FREM3: variants seen among roughly 807,000 people sequenced by gnomAD.
FREM3 encodes the protein FRAS1 related extracellular matrix 3.
FREM3 carries 105 observed loss-of-function variants against 129.1 expected under a neutral mutation model. The observed-to-expected ratio is 0.81, with a 90% CI of 0.69 to 0.96. The LOEUF (loss-of-function observed/expected upper bound fraction) is 0.96. FREM3 is among the 40% of genes least tolerant of loss of function. The probability of loss-of-function intolerance (pLI) is 0.00; values close to 1 mark genes in which losing one functional copy is unlikely to be tolerated. For synonymous variants in FREM3, 1,014 were observed against 1,044.9 expected (o/e 0.97, Z 0.57); for missense variants, 2,593 against 2,666.3 (o/e 0.97, Z 0.61).
intron 2 of FREM3, chr4:143,645,145 C>T (rs1739393130): frequency 6.6e-6 from 1 of 152,128 alleles, no homozygotes; most frequent in Non-Finnish European, 1.5e-5. Flanking sequence ...ACTGTGTGCT[C>T]CGTGAGGATG....
rs1740667118 is a variant in FREM3, at chr4:143,700,091, G to T, written c.585C>A (p.Phe195Leu). Residue 195 changes from phenylalanine to leucine, a missense_variant, in exon 1 of 8, where the codon TTC becomes TTA. Coordinates refer to ENST00000329798, the MANE Select transcript of FREM3 (RefSeq NM_001168235.2). ...CCGTGGCTCCAGACTTCAGGGAGGC[G>T]AAGTCCAGCACTCTCCTGTCTATGG... Reference protein sequence around the residue: ...SRAIDRRVLDFASLKSGATAT... With the variant: ...SRAIDRRVLDLASLKSGATAT... 5 of 1,533,602 alleles carry T rather than the reference G, an allele frequency of 3.3e-6. No individual in the cohort carries two copies. Among genetic ancestry groups the T allele is most frequent in the Non-Finnish European group, 4.4e-6 (5 of 1,144,232 alleles). 95.0% of individuals were successfully genotyped at this position (1,533,602 alleles called of 1,614,324 possible). A position where few individuals can be genotyped will look rare whatever the true frequency, so the allele number is the denominator to read the frequency against.
intron 6 of FREM3, among the ~76,000 whole-genome samples, chr4:143,590,706 T>A (rs1314626600): frequency 6.6e-6 from 1 of 152,172 alleles, no homozygotes; most frequent in Admixed American, 6.5e-5. Context: ...TCTCTTTTTT[T>A]GCTGTGTCTC....
intron 6 of FREM3, among the ~76,000 whole-genome samples, chr4:143,603,748 TA>T (rs1449889146): frequency 6.6e-6 from 1 of 152,182 alleles, no homozygotes; most frequent in Non-Finnish European, 1.5e-5. Flanking sequence ...CCTCTTGACC[TA>T]AATAATATAC....
chr4:143,649,676 A>T (rs1376711479), intron 2 of FREM3, among the ~76,000 whole-genome samples: 1 of 151,970 alleles, frequency 6.6e-6, no homozygotes, highest in African/African-American at 2.4e-5. Flanking sequence ...CTGTATATAA[A>T]TTTTTTTCTC....
intron 2 of FREM3, among the ~76,000 whole-genome samples, chr4:143,681,199 T>C (rs575481743): frequency 1.3e-5 from 2 of 152,146 alleles, no homozygotes; most frequent in Admixed American, 1.3e-4. Context: ...AATTGTTCTT[T>C]GTATAGATGA....
At chr4:143,612,260 G>T (rs956629754) in intron 5 of FREM3, among the ~76,000 whole-genome samples, 8 of 152,134 alleles carry the variant, frequency 5.3e-5, no homozygotes, top group African/African-American at 1.9e-4. Flanking sequence ...TGTCTCCCAG[G>T]CCTTGGAAAT....
intron 6 of FREM3, among the ~76,000 whole-genome samples, chr4:143,597,780 A>G (rs934983698): frequency 5.3e-5 from 8 of 152,240 alleles, no homozygotes; most frequent in Middle Eastern, 3.2e-3. Flanking sequence ...AAGAAGACAT[A>G]CAAATGGAAA....
intron 1 of FREM3, among the ~76,000 whole-genome samples, chr4:143,695,218 C>A (rs2149863689): frequency 6.6e-6 from 1 of 152,254 alleles, no homozygotes; most frequent in East Asian, 1.9e-4. Context: ...ATTTCAGAAG[C>A]AGAAGCTGTC....
intron 5 of FREM3, 122 bp downstream of exon 5, chr4:143,620,915 A>C: frequency 5.3e-6 from 5 of 946,526 alleles, no homozygotes; most frequent in Non-Finnish European, 7.8e-6. Context: ...ATGGACAATG[A>C]GGGGCCCAGG....
At chr4:143,651,701 T>C (rs1023341618) in intron 2 of FREM3, among the ~76,000 whole-genome samples, 1 of 152,196 alleles carries the variant, frequency 6.6e-6, no homozygotes, top group Non-Finnish European at 1.5e-5. Context: ...CACTCCCATA[T>C]TAGTTGAAAT....
intron 2 of FREM3, among the ~76,000 whole-genome samples, chr4:143,639,416 C>T (rs775881325): frequency 6.6e-6 from 1 of 152,106 alleles, no homozygotes; most frequent in Non-Finnish European, 1.5e-5. Flanking sequence ...GGGTGAATCA[C>T]TTACTTCGCA....
intron 2 of FREM3, among the ~76,000 whole-genome samples, chr4:143,675,631 G>C (rs1294929348): frequency 7.9e-5 from 12 of 152,088 alleles, no homozygotes; most frequent in Admixed American, 7.9e-4. Context: ...CAACAAAATT[G>C]ATAGACTGCT....
In FREM3 at chr4:143,689,297, A is replaced by G. The variant is rs144894568; in HGVS notation, c.5275+3816T>C. On this transcript the variant is annotated intron_variant, in intron 2 of 7. Coordinates refer to ENST00000329798, the MANE Select transcript of FREM3 (RefSeq NM_001168235.2). ...AAAATGCCCAACATCACTAATAATCAGGGAAATGTAAATCAAGACCGCAAT... is the reference window on the plus strand; with the variant it reads ...AAAATGCCCAACATCACTAATAATCGGGGAAATGTAAATCAAGACCGCAAT... Among the ~76,000 whole-genome samples the G allele has an allele frequency of 6.3e-4, 96 of 152,338 alleles. 2 individuals carry two copies. In the East Asian group the frequency reaches 0.015, roughly 24 times the overall value.
At position 143,585,764 on chromosome 4, in the gene FREM3, G is replaced by A; in HGVS notation, c.6178+80C>T. On this transcript the variant is annotated intron_variant, in intron 7 of 7. Coordinates refer to ENST00000329798, the MANE Select transcript of FREM3 (RefSeq NM_001168235.2). This position sits in a 1 kb window ranked among gnomAD's most constrained non-coding sequence, Gnocchi z 4.2. ...TTCAGAGTCCATCAACAAAGACTAAGCATGCTTACACTTAACAGACTAGAC... is the reference window on the plus strand; with the variant it reads ...TTCAGAGTCCATCAACAAAGACTAAACATGCTTACACTTAACAGACTAGAC... 1 of 1,380,596 alleles carries A rather than the reference G, an allele frequency of 7.2e-7. No homozygotes were observed. Among genetic ancestry groups the A allele is most frequent in the Non-Finnish European group, 9.7e-7 (1 of 1,028,638 alleles). 85.5% of individuals were successfully genotyped at this position (1,380,596 alleles called of 1,614,324 possible).
At chr4:143,648,561 C>T (rs926441164) in intron 2 of FREM3, among the ~76,000 whole-genome samples, 4 of 152,198 alleles carry the variant, frequency 2.6e-5, no homozygotes, top group Admixed American at 2.6e-4. Flanking sequence ...TGAGTGACTT[C>T]TCATGAGATC....
intron 6 of FREM3, among the ~76,000 whole-genome samples, chr4:143,589,682 G>C (rs370060137): frequency 6.6e-5 from 10 of 152,214 alleles, no homozygotes; most frequent in Admixed American, 4.6e-4. Context: ...CGTGATGCCT[G>C]CAGCTTTGTT....
At position 143,652,155 on chromosome 4, in the gene FREM3, T is replaced by C. The variant is rs1739524917; in HGVS notation, c.5276-24395A>G. Among the ~76,000 whole-genome samples, 2 of 33,736 alleles carry C rather than the reference T, an allele frequency of 5.9e-5. 1 individual carries two copies. The highest frequency in any genetic ancestry group is 1.4e-4 in the African/African-American group (2 of 14,802). 22.1% of individuals were successfully genotyped at this position (33,736 alleles called of 152,430 possible). A position where few individuals can be genotyped will look rare whatever the true frequency, so the allele number is the denominator to read the frequency against. ...ATGGTCTTTTTCCTTTCTTTTTTTTTTTTTTTTTTTTTTTTTTTGAGACGG... is the reference window on the plus strand; with the variant it reads ...ATGGTCTTTTTCCTTTCTTTTTTTTCTTTTTTTTTTTTTTTTTTGAGACGG... On this transcript the variant is annotated intron_variant, in intron 2 of 7. Coordinates refer to ENST00000329798, the MANE Select transcript of FREM3 (RefSeq NM_001168235.2).
At chr4:143,632,348 T>A (rs978564756) in intron 2 of FREM3, among the ~76,000 whole-genome samples, 10 of 152,100 alleles carry the variant, frequency 6.6e-5, no homozygotes, top group Non-Finnish European at 2.9e-5. Flanking sequence ...GGTAATAGTT[T>A]ATATAGAGTG....
At position 143,698,821 on chromosome 4, in the gene FREM3, C is replaced by G; in HGVS notation, c.1855G>C (p.Glu619Gln). ...YLGDLLLQQA[E>Q]LPLSTEDEDW... ...TCATCTTCAGTTGAGAGAGGTAGTT[C>G]AGCCTGCTGCAGCAACAGGTCCCCC... is the stretch of plus-strand genomic sequence containing the variant. The change falls in exon 1 of 8, where the codon GAA becomes CAA. Residue 619 changes from glutamate (E) to glutamine (Q), a missense_variant. By Grantham distance (29) the Glu-to-Gln change is conservative. This residue lies in a region of FREM3 where 2,276 missense variants were observed against 2,267.2 expected (regional missense o/e 1.00). Coordinates refer to ENST00000329798, the MANE Select transcript of FREM3 (RefSeq NM_001168235.2). 1 of 1,537,730 alleles carries G rather than the reference C, an allele frequency of 6.5e-7. No homozygotes were observed. The highest frequency in any genetic ancestry group is 8.7e-7 in the Non-Finnish European group (1 of 1,147,018).
Sources: gnomAD v4.1 joint callset for allele counts (sites outside exome capture counted in the v4.1 genomes callset) on GRCh38, gnomAD v4.1.1 for gene constraint, gnomAD v4.1.1 regional missense constraint, Gnocchi (gnomAD v3.1) non-coding constraint, MANE v1.5 for transcripts, NCBI Gene and HGNC (gene_info 2026-07-23, HGNC 2026-07-21) for gene names.